Variants in ULK1 observed in about 807,000 individuals in gnomAD.
The protein encoded by ULK1 is unc-51 like autophagy activating kinase 1, also known as serine/threonine-protein kinase ULK1.
In ULK1, 48 loss-of-function variants were observed where a neutral mutation model predicts 117.5. The observed-to-expected ratio is 0.41, with a 90% CI of 0.32 to 0.52. The LOEUF (loss-of-function observed/expected upper bound fraction) is 0.52, where lower values mean the gene tolerates loss of function less well. Ranked by LOEUF, ULK1 falls within the 20% of genes least tolerant of loss-of-function variation. The probability of loss-of-function intolerance (pLI) is 0.29; values close to 1 mark genes in which losing one functional copy is unlikely to be tolerated. For synonymous variants in ULK1, 790 were observed against 637.8 expected (o/e 1.24, Z -3.60); for missense variants, 1,387 against 1,473.4 (o/e 0.94, Z 0.96).
chr12:131,915,060 C>T (rs1013825189), intron 16 of ULK1, 23 bp from the exon 17 acceptor site: 7 of 1,524,592 alleles, frequency 4.6e-6, no homozygotes, highest in Non-Finnish European at 5.3e-6. Context: ...GGCCTCCCCT[C>T]CTAATATCTG....
intron 19 of ULK1, 99 bp downstream of exon 19, chr12:131,916,258 C>G: frequency 2.0e-6 from 3 of 1,528,430 alleles, no homozygotes; most frequent in South Asian, 2.5e-5. Flanking sequence ...AGCTCTGTAC[C>G]TTTTGACCCC....
chr12:131,906,011 C>G lies in ULK1; in HGVS notation c.247-881C>G, dbSNP rs573821836. Among the ~76,000 whole-genome samples the G allele has an allele frequency of 1.0e-3, 156 of 152,290 alleles. 1 individual carries two copies. Among genetic ancestry groups the G allele is most frequent in the African/African-American group, 3.6e-3 (148 of 41,580 alleles). On this transcript the variant is annotated intron_variant, in intron 3 of 27. Coordinates refer to ENST00000321867, the MANE Select transcript of ULK1 (RefSeq NM_003565.4). Reference sequence around the variant, plus strand: ...AAGGCATTGGGGCGAGGGATGGCAGCCTGAGCTGCAGCCAGGTTGGGTAGG... The same window carrying G: ...AAGGCATTGGGGCGAGGGATGGCAGGCTGAGCTGCAGCCAGGTTGGGTAGG...
Position 131,919,347 on chromosome 12 carries a change from G to A in ULK1, c.2647G>A (p.Val883Met). Reference sequence around the variant, plus strand: ...TGAGTACCAGCTGCAGGAGAGTGTGGTGGCCGACCAGATCAGCCTGCTGAG... The same window carrying A: ...TGAGTACCAGCTGCAGGAGAGTGTGATGGCCGACCAGATCAGCCTGCTGAG... ...GPEYQLQESV[V>M]ADQISLLSRE... Residue 883 changes from valine to methionine, a missense_variant, in exon 24 of 28, where the codon GTG (valine) becomes ATG (methionine). Val to Met is a conservative substitution (Grantham distance 21). Around this residue, in one of 4 missense-constraint regions of ULK1, gnomAD observed 900 missense variants for 858.9 expected, o/e 1.05. Transcript: ENST00000321867. The A allele has an allele frequency of 6.4e-7, 1 of 1,571,472 alleles. No individual in the cohort carries two copies.
chr12:131,908,702 C>T lies in ULK1; in HGVS notation c.375C>T (p.Ala125=), dbSNP rs1188199513. Residue 125 remains alanine, a synonymous_variant, in exon 6 of 28, where the codon GCC becomes GCT. Coordinates refer to ENST00000321867, the MANE Select transcript of ULK1 (RefSeq NM_003565.4). ...TCTTCCTGCAGCAGATCGCGGGCGC[C>T]ATGCGGCTTCTGCACAGCAAAGGCA... The part of the protein sequence containing the change: ...IRLFLQQIAG[A]MRLLHSKGII... 6.2e-7 allele frequency: 1 copy of T among 1,602,114 alleles called. No individual in the cohort carries two copies. The highest frequency in any genetic ancestry group is 8.5e-7 in the Non-Finnish European group (1 of 1,176,182).
rs1358026410 is a variant in ULK1, at chr12:131,923,035, G to A, written c.*1674G>A. 1 of 152,312 alleles carries A rather than the reference G, an allele frequency of 6.6e-6. No individual in the cohort carries two copies. Among genetic ancestry groups the A allele is most frequent in the Non-Finnish European group, 1.5e-5 (1 of 68,086 alleles). The allele number at this position is 152,312 out of a possible 1,614,324, so 9.4% of individuals were successfully genotyped here. A position where few individuals can be genotyped will look rare whatever the true frequency, so the allele number is the denominator to read the frequency against. ...CCTCAACTGCTGCCCCTGGTTGAAT[G>A]TTCTCTTGATAGTGCTGGACCCTTT... On this transcript the variant is annotated 3_prime_UTR_variant, in exon 28 of 28. Coordinates refer to ENST00000321867, the MANE Select transcript of ULK1 (RefSeq NM_003565.4).
Position 131,922,017 on chromosome 12 carries a change from G to A in ULK1, c.*656G>A. Reference sequence around the variant, plus strand: ...CCTCAGCGGGAGAACTGGCTCCGGGGGGAGTGGGGCCCTGCGCTAGAGGCA... The same window carrying A: ...CCTCAGCGGGAGAACTGGCTCCGGGAGGAGTGGGGCCCTGCGCTAGAGGCA... On this transcript the variant is annotated 3_prime_UTR_variant, in exon 28 of 28. Transcript: ENST00000321867. 1 of 454,782 alleles carries A rather than the reference G, an allele frequency of 2.2e-6. No individual in the cohort carries two copies. The highest frequency in any genetic ancestry group is 4.4e-6 in the Non-Finnish European group (1 of 225,686). 28.2% of individuals were successfully genotyped at this position (454,782 alleles called of 1,614,324 possible).
At chr12:131,909,095 C>T in intron 7 of ULK1, 41 bp from the exon 8 acceptor site, 4 of 1,599,262 alleles carry the variant, frequency 2.5e-6, no homozygotes, top group South Asian at 1.1e-5. Context: ...CTGTGGTTGG[C>T]GTGCGGGGGC....
chr12:131,909,338 C>G, intron 8 of ULK1, 101 bp downstream of exon 8: 3 of 1,332,036 alleles, frequency 2.3e-6, no homozygotes, highest in Non-Finnish European at 3.0e-6. Context: ...GCCCCACGAG[C>G]TCCCCTCGGG....
intron 20 of ULK1, 148 bp downstream of exon 20, chr12:131,916,739 C>G: frequency 8.6e-7 from 1 of 1,165,086 alleles, no homozygotes; most frequent in Non-Finnish European, 1.2e-6. Flanking sequence ...TGCCAGAGAG[C>G]CTGGCCCACC....
rs528372963 is a variant in ULK1, at chr12:131,916,009, C to T, written c.1728C>T (p.Asp576=). 2 of 1,612,058 alleles carry T rather than the reference C, an allele frequency of 1.2e-6. No individual in the cohort carries two copies. Among genetic ancestry groups the T allele is most frequent in the Non-Finnish European group, 1.7e-6 (2 of 1,179,686 alleles). Residue 576 remains aspartate (D), a synonymous_variant, in exon 19 of 28, where the codon GAC becomes GAT. Coordinates refer to ENST00000321867, the MANE Select transcript of ULK1 (RefSeq NM_003565.4). ...CCAAGCTGCCCAAACCCCCCACGGA[C>T]CCCCTGGGAGCTGTGTTCAGCCCAC... ...VRPKLPKPPT[D]PLGAVFSPPQ...
chr12:131,905,998 C>CGAG (rs1400152659), intron 3 of ULK1, among the ~76,000 whole-genome samples: 1 of 152,076 alleles, frequency 6.6e-6, no homozygotes, highest in Non-Finnish European at 1.5e-5. Flanking sequence ...GGCATTGGGG[C>CGAG]GAGGGATGGC....
chr12:131,895,065 A>C lies in ULK1; in HGVS notation c.64A>C (p.Ile22Leu). 1.3e-6 allele frequency: 2 copies of C among 1,578,090 alleles called. No individual in the cohort carries two copies. The highest frequency in any genetic ancestry group is 1.7e-6 in the Non-Finnish European group (2 of 1,169,584). Reference sequence around the variant, plus strand: ...GTTCGAGTTCTCCCGCAAGGACCTGATCGGCCACGGCGCCTTCGCGGTGGT... The same window carrying C: ...GTTCGAGTTCTCCCGCAAGGACCTGCTCGGCCACGGCGCCTTCGCGGTGGT... The part of the protein sequence containing the change: ...GKFEFSRKDL[I>L]GHGAFAVVFK... The change falls in exon 1 of 28, where the codon ATC (isoleucine) becomes CTC (leucine). Residue 22 changes from isoleucine to leucine, a missense_variant. This residue lies in a region of ULK1 where 224 missense variants were observed against 325.2 expected (regional missense o/e 0.69). Transcript: ENST00000321867.
Position 131,922,313 on chromosome 12 carries a change from C to G in ULK1, c.*952C>G, listed in dbSNP as rs1890184877. 3.1e-6 allele frequency: 1 copy of G among 326,726 alleles called. No individual in the cohort carries two copies. Among genetic ancestry groups the G allele is most frequent in the African/African-American group, 2.2e-5 (1 of 46,064 alleles). The allele number at this position is 326,726 out of a possible 1,614,324, so 20.2% of individuals were successfully genotyped here. A position where few individuals can be genotyped will look rare whatever the true frequency, so the allele number is the denominator to read the frequency against. On this transcript the variant is annotated 3_prime_UTR_variant, in exon 28 of 28. Transcript: ENST00000321867. Reference sequence around the variant, plus strand: ...TTTGCACACCTGTGTTGGTGGCTGTCCCCTGCCGCCCCTCCCTGTGGCAGC... The same window carrying G: ...TTTGCACACCTGTGTTGGTGGCTGTGCCCTGCCGCCCCTCCCTGTGGCAGC...
chr12:131,899,439 C>T (rs908406957), intron 3 of ULK1, among the ~76,000 whole-genome samples: 1 of 152,176 alleles, frequency 6.6e-6, no homozygotes, highest in South Asian at 2.1e-4. Context: ...CCGCCCACAT[C>T]GGCCTCCGAA....
At chr12:131,911,795 G>A (rs1337609267) in intron 12 of ULK1, 147 bp from the exon 13 acceptor site, 7 of 1,121,070 alleles carry the variant, frequency 6.2e-6, no homozygotes, top group East Asian at 2.5e-5. Flanking sequence ...GAAGAGCGGA[G>A]CACAGGAAGA....
Position 131,895,690 on chromosome 12 carries a change from G to A in ULK1, c.201G>A (p.Leu67=). The A allele has an allele frequency of 1.9e-6, 3 of 1,614,160 alleles. No homozygotes were observed. Among genetic ancestry groups the A allele is most frequent in the Non-Finnish European group, 2.5e-6 (3 of 1,179,998 alleles). ...QTLLGKEIKI[L]KELKHENIVA... is the part of the protein sequence containing the mutation. ...TGCTGGGGAAGGAAATCAAAATCCT[G>A]AAGGTGAGCCAGTGCTGGGGGAGGG... is the stretch of plus-strand genomic sequence containing the variant. Residue 67 remains leucine, a synonymous_variant, in exon 2 of 28, where the codon CTG becomes CTA. Transcript: ENST00000321867.
intron 25 of ULK1, 34 bp downstream of exon 25, chr12:131,919,624 G>A (rs1228573796): frequency 6.2e-7 from 1 of 1,600,688 alleles, no homozygotes; most frequent in South Asian, 1.1e-5. Flanking sequence ...CACATGCCGG[G>A]TTGGGGAGGA....
At position 131,921,135 on chromosome 12, in the gene ULK1, C is replaced by G. The variant is rs1486059893; in HGVS notation, c.2997C>G (p.His999Gln). Residue 999 changes from histidine to glutamine, a missense_variant, in exon 27 of 28, where the codon CAC becomes CAG. His to Gln is a conservative substitution (Grantham distance 24, BLOSUM62 0). Coordinates refer to ENST00000321867, the MANE Select transcript of ULK1 (RefSeq NM_003565.4). ...QSAALDEMFQ[H>Q]REGCVPRYHK... ...CTGCCCTGGACGAGATGTTCCAGCA[C>G]CGTGAGGGCTGCGTCCCACGCTACC... 1 of 1,602,840 alleles carries G rather than the reference C, an allele frequency of 6.2e-7. No individual in the cohort carries two copies. The highest frequency in any genetic ancestry group is 8.5e-7 in the Non-Finnish European group (1 of 1,179,572).
chr12:131,908,820 C>A lies in ULK1; in HGVS notation c.490+3C>A, dbSNP rs749174743. ...CAACAGCATCCGCGTCAAGATCGGT[C>A]AGCCCGCGGGCAGGCAGGCGGGCCC... On this transcript the variant is annotated splice_donor_region_variant and intron_variant, in intron 6 of 27. Coordinates refer to ENST00000321867, the MANE Select transcript of ULK1 (RefSeq NM_003565.4). 1 of 1,605,382 alleles carries A rather than the reference C, an allele frequency of 6.2e-7. No individual in the cohort carries two copies. The highest frequency in any genetic ancestry group is 1.1e-5 in the South Asian group (1 of 90,636).
Sources: allele counts gnomAD v4.1 joint callset (sites outside exome capture counted in the v4.1 genomes callset), GRCh38; gene constraint gnomAD v4.1.1; regional missense constraint gnomAD v4.1.1; transcripts MANE v1.5; gene names NCBI Gene and HGNC (gene_info 2026-07-23, HGNC 2026-07-21).